FLNB: variants seen among roughly 807,000 people sequenced by gnomAD.
FLNB encodes filamin B.
Under a neutral mutation model 250.6 loss-of-function variants are expected in FLNB, and 111 were observed. That is an observed-to-expected ratio of 0.44 (90% confidence interval 0.38 to 0.52). The LOEUF (loss-of-function observed/expected upper bound fraction) is 0.52. Ranked by LOEUF, FLNB falls within the 20% of genes least tolerant of loss-of-function variation. The pLI is 0.00. For synonymous variants in FLNB, 1,302 were observed against 1,372.1 expected, an observed-to-expected ratio of 0.95 and a Z score of 1.13; for missense variants, 2,869 against 3,447.8, an observed-to-expected ratio of 0.83 and a Z score of 4.20.
At chr3:58,111,266 C>T (rs1340320458) in intron 16 of FLNB, among the ~76,000 whole-genome samples, 2 of 152,154 alleles carry the variant, frequency 1.3e-5, no homozygotes, top group Non-Finnish European at 2.9e-5. Context: ...ATTAACCTTA[C>T]ATAAAAATGG....
intron 1 of FLNB, among the ~76,000 whole-genome samples, chr3:58,017,630 A>G (rs919777478): frequency 6.6e-6 from 1 of 152,234 alleles, no homozygotes; most frequent in African/African-American, 2.4e-5. Context: ...CTGCCCTCTA[A>G]GAGCCTTAGA....
chr3:58,122,193 A>C (rs943543108), intron 20 of FLNB, among the ~76,000 whole-genome samples: 2 of 148,298 alleles, frequency 1.3e-5, no homozygotes, highest in African/African-American at 5.0e-5. Context: ...AAAAACCACA[A>C]AAAAAAACAT....
In FLNB at chr3:58,106,676, C is replaced by T; in HGVS notation, c.1748-4C>T. 1 of 1,613,958 alleles carries T rather than the reference C, an allele frequency of 6.2e-7. No individual in the cohort carries two copies. The highest frequency in any genetic ancestry group is 1.3e-5 in the African/African-American group (1 of 75,006). Reference sequence around the variant, plus strand: ...AGGGAGACCCTTCCACCTCCACCCCCTAGGGTTTGCCATTGAAGGCCCCTC... The same window carrying T: ...AGGGAGACCCTTCCACCTCCACCCCTTAGGGTTTGCCATTGAAGGCCCCTC... On this transcript the variant is annotated splice_region_variant and splice_polypyrimidine_tract_variant and intron_variant, in intron 11 of 45. Coordinates refer to ENST00000295956, the MANE Select transcript of FLNB (RefSeq NM_001457.4).
chr3:58,073,176 T>TTTATTTACTTAC (rs879445920), intron 1 of FLNB, among the ~76,000 whole-genome samples: 4 of 151,684 alleles, frequency 2.6e-5, no homozygotes, highest in Non-Finnish European at 4.4e-5. Flanking sequence ...TATTTATTTA[T>TTTATTTACTTAC]TTACTTATTT....
At position 58,106,654 on chromosome 3, in the gene FLNB, G is replaced by A. The variant is rs117372656; in HGVS notation, c.1748-26G>A. 260 of 1,609,722 alleles carry A rather than the reference G, an allele frequency of 1.6e-4. No homozygotes were observed. The East Asian group carries it at 5.0e-3, about 31-fold the overall frequency. ...AGGTGCTTTCCACCATATAACCAGG[G>A]AGACCCTTCCACCTCCACCCCCTAG... On this transcript the variant is annotated intron_variant, in intron 11 of 45. Transcript: ENST00000295956.
chr3:58,018,514 T>A (rs1228279005), intron 1 of FLNB, among the ~76,000 whole-genome samples: 1 of 151,314 alleles, frequency 6.6e-6, no homozygotes, highest in African/African-American at 2.4e-5. Flanking sequence ...TTGGTATTTT[T>A]ATTTTTATTT....
chr3:58,130,954 C>G (rs948357029), intron 25 of FLNB, 46 bp downstream of exon 25: 7 of 1,576,616 alleles, frequency 4.4e-6, no homozygotes, highest in Non-Finnish European at 6.1e-6. Context: ...CTGCCCCAGG[C>G]AGGGGCAGCT....
chr3:58,040,919 T>C (rs1315451376), intron 1 of FLNB, among the ~76,000 whole-genome samples: 1 of 152,234 alleles, frequency 6.6e-6, no homozygotes, highest in East Asian at 1.9e-4. Context: ...GATCATAGAA[T>C]GGATACATGT....
intron 1 of FLNB, among the ~76,000 whole-genome samples, chr3:58,028,581 C>A (rs988495683): frequency 6.7e-6 from 1 of 150,088 alleles, no homozygotes; most frequent in Non-Finnish European, 1.5e-5. Flanking sequence ...ACATGGGAGA[C>A]CTTATCTCTA....
chr3:58,044,106 G>A (rs922163466), intron 1 of FLNB, among the ~76,000 whole-genome samples: 6 of 152,148 alleles, frequency 3.9e-5, no homozygotes, highest in Non-Finnish European at 8.8e-5. Flanking sequence ...AACCTGATTC[G>A]GCTTGGATTG....
intron 1 of FLNB, among the ~76,000 whole-genome samples, chr3:58,014,746 T>G (rs1357309047): frequency 6.6e-6 from 1 of 152,196 alleles, no homozygotes; most frequent in East Asian, 1.9e-4. Context: ...TCTTTTTTTT[T>G]GAGATGGAGT....
intron 23 of FLNB, among the ~76,000 whole-genome samples, chr3:58,126,313 T>C (rs910915392): frequency 2.0e-5 from 3 of 151,932 alleles, no homozygotes; most frequent in African/African-American, 7.3e-5. Flanking sequence ...CCAAGAGACA[T>C]AGGTTGCAGT....
In FLNB at chr3:58,136,149, C is replaced by T. The variant is rs766633460; in HGVS notation, c.4842C>T (p.Ala1614=). Residue 1614 remains alanine (A), a synonymous_variant, in exon 28 of 46, where the codon GCC becomes GCT. Coordinates refer to ENST00000295956, the MANE Select transcript of FLNB (RefSeq NM_001457.4). ...YRIRATQTGD[A]SKCLATGPGI... is the part of the protein sequence containing the mutation. The stretch of plus-strand genomic sequence containing the variant: ...TCCGAGCCACACAGACGGGTGATGC[C>T]AGCAAGTGCCTGGCCACGGGTGAGT... 5.0e-6 allele frequency: 8 copies of T among 1,614,094 alleles called. No homozygotes were observed. In the African/African-American group the frequency reaches 5.3e-5, roughly 11 times the overall value.
intron 1 of FLNB, among the ~76,000 whole-genome samples, chr3:58,070,553 A>C (rs2097192712): frequency 1.3e-5 from 2 of 151,990 alleles, no homozygotes; most frequent in African/African-American, 2.4e-5. Flanking sequence ...GAGGGGGCAG[A>C]GTGCACAGTG....
At chr3:58,150,285 G>A (rs1189792686) in intron 38 of FLNB, 58 bp downstream of exon 38, 1 of 1,609,266 alleles carries the variant, frequency 6.2e-7, no homozygotes, top group African/African-American at 1.3e-5. Flanking sequence ...CAGGGCAGTG[G>A]GTGCCTTTGG....
rs1320964976 is a variant in FLNB, at chr3:58,109,562, C to T, written c.2200-14C>T. ...TGGAGGAGAACTTGATGACCTTCTC[C>T]ATGTCTTCTCTAGGTCAACATCGGG... On this transcript the variant is annotated splice_polypyrimidine_tract_variant and intron_variant, in intron 14 of 45. Transcript: ENST00000295956. 1.1e-5 allele frequency: 18 copies of T among 1,614,148 alleles called. No individual in the cohort carries two copies. The highest frequency in any genetic ancestry group is 1.5e-5 in the Non-Finnish European group (18 of 1,180,016).
chr3:58,097,826 CTT>C lies in FLNB; in HGVS notation c.998_999del (p.Phe333CysfsTer11). The C allele has an allele frequency of 6.2e-7, 1 of 1,614,086 alleles. No homozygotes were observed. The highest frequency in any genetic ancestry group is 8.5e-7 in the Non-Finnish European group (1 of 1,179,990). On this transcript the variant is annotated frameshift_variant, in exon 7 of 46. Transcript: ENST00000295956. LOFTEE classifies it high-confidence loss of function. ...TCTGTCACCTATAGGTCACAGTCCTCTTTGCAGGACAGCACATCTCCAAGAGC... is the reference window on the plus strand; with the variant it reads ...TCTGTCACCTATAGGTCACAGTCCTCTGCAGGACAGCACATCTCCAAGAGC... ...VTGLHKVTVL[F>X]AGQHISKSPF...
chr3:58,146,720 C>A, intron 33 of FLNB, 100 bp from the exon 34 acceptor site: 1 of 1,244,132 alleles, frequency 8.0e-7, no homozygotes, highest in Non-Finnish European at 1.2e-6. Flanking sequence ...AATCCATTGT[C>A]CCCAGCATCA....
intron 1 of FLNB, among the ~76,000 whole-genome samples, chr3:58,041,745 T>C (rs530285721): frequency 3.8e-4 from 58 of 152,244 alleles, no homozygotes; most frequent in African/African-American, 1.3e-3. Flanking sequence ...GTTTTTGAAA[T>C]TGCCTCAAGC....
Sources: allele counts gnomAD v4.1 joint callset (sites outside exome capture counted in the v4.1 genomes callset), GRCh38; gene constraint gnomAD v4.1.1; transcripts MANE v1.5; gene names NCBI Gene and HGNC (gene_info 2026-07-23, HGNC 2026-07-21).